The following IQGAP2 variants were observed in gnomAD, a reference collection of about 807,000 sequenced individuals.
IQGAP2 encodes IQ motif containing GTPase activating protein 2.
IQGAP2 carries 173 observed loss-of-function variants against 201.3 expected under a neutral mutation model. The ratio of observed to expected loss-of-function variants is 0.86; its 90% CI spans 0.76 to 0.98. IQGAP2 has a LOEUF of 0.98. Ranked by LOEUF, IQGAP2 falls within the 50% of genes least tolerant of loss-of-function variation. IQGAP2 has a pLI of 0.00. For synonymous variants in IQGAP2, 675 were observed against 673.9 expected, an observed-to-expected ratio of 1.00 and a Z score of -0.03; for missense variants, 1,687 against 1,864.8, an observed-to-expected ratio of 0.90 and a Z score of 1.76.
At chr5:76,458,793 C>T (rs1356760246) in intron 1 of IQGAP2, among the ~76,000 whole-genome samples, 4 of 152,198 alleles carry the variant, frequency 2.6e-5, no homozygotes, top group South Asian at 2.1e-4. Flanking sequence ...TGATCATACT[C>T]TTATTGAGTG....
At chr5:76,570,498 T>G in intron 3 of IQGAP2, 82 bp from the exon 4 acceptor site, 2 of 891,510 alleles carry the variant, frequency 2.2e-6, no homozygotes, top group South Asian at 2.8e-5. Context: ...AAAAGCATCC[T>G]GTACATGAAA....
chr5:76,558,993 T>C (rs961601793), intron 2 of IQGAP2, among the ~76,000 whole-genome samples: 4 of 152,246 alleles, frequency 2.6e-5, no homozygotes, highest in Non-Finnish European at 2.9e-5. Context: ...CTCCACCTCC[T>C]GGGTTCACAC....
At chr5:76,441,893 A>G (rs1753063957) in intron 1 of IQGAP2, among the ~76,000 whole-genome samples, 1 of 152,192 alleles carries the variant, frequency 6.6e-6, no homozygotes. Flanking sequence ...CAGGCCTTTG[A>G]GGACTAGGAA....
intron 2 of IQGAP2, among the ~76,000 whole-genome samples, chr5:76,485,512 G>A (rs986289923): frequency 9.2e-5 from 14 of 152,036 alleles, no homozygotes; most frequent in African/African-American, 2.4e-4. Flanking sequence ...AGTTTTCCTT[G>A]GTTACATTGA....
intron 1 of IQGAP2, among the ~76,000 whole-genome samples, chr5:76,457,307 T>A (rs1489454001): frequency 6.6e-6 from 1 of 152,200 alleles, no homozygotes; most frequent in East Asian, 1.9e-4. Flanking sequence ...TTCCTGGTTT[T>A]CTGCTTTTCC....
intron 9 of IQGAP2, chr5:76,597,210 C>G (rs1747093492): frequency 3.7e-6 from 2 of 541,350 alleles, no homozygotes; most frequent in African/African-American, 1.9e-5. Flanking sequence ...GATCTCATAC[C>G]CTAAGCTCCA....
chr5:76,537,594 T>C (rs1010179761), intron 2 of IQGAP2, among the ~76,000 whole-genome samples: 2 of 152,154 alleles, frequency 1.3e-5, no homozygotes, highest in Non-Finnish European at 2.9e-5. Context: ...GGTGGAAATA[T>C]TGACTTAGTT....
At chr5:76,496,761 CTTT>C (rs1756982845) in intron 2 of IQGAP2, among the ~76,000 whole-genome samples, 7 of 89,048 alleles carry the variant, frequency 7.9e-5, no homozygotes, top group African/African-American at 4.1e-4. Flanking sequence ...TTCTTTCTTT[CTTT>C]CTTTCTTTCT....
chr5:76,543,451 C>T (rs895795211), intron 2 of IQGAP2, among the ~76,000 whole-genome samples: 1 of 152,218 alleles, frequency 6.6e-6, no homozygotes, highest in Admixed American at 6.5e-5. Context: ...GTGGACCGGC[C>T]TCCTTGCCTT....
intron 2 of IQGAP2, among the ~76,000 whole-genome samples, chr5:76,519,267 G>T (rs556203504): frequency 6.6e-6 from 1 of 152,216 alleles, no homozygotes; most frequent in South Asian, 2.1e-4. Context: ...ACTGATCTAT[G>T]GTTTTACTTT....
chr5:76,613,357 A>G (rs7716863), intron 13 of IQGAP2, among the ~76,000 whole-genome samples: 103,804 of 152,152 alleles, frequency 0.68, 37,512 homozygotes, highest in South Asian at 0.84. Context: ...TGCTTTGAAG[A>G]TAGACATCAT....
rs566261321 is a variant in IQGAP2 at position 76,518,081 on chromosome 5, CAAG to C, written c.147-44314_147-44312del. Among the ~76,000 whole-genome samples, 54 of 152,242 alleles carry C rather than the reference CAAG, an allele frequency of 3.5e-4. 1 individual carries two copies. The highest frequency in any genetic ancestry group is 6.3e-4 in the Non-Finnish European group (43 of 68,020). On this transcript the variant is annotated intron_variant, in intron 2 of 35. Transcript: ENST00000274364. The stretch of plus-strand genomic sequence containing the variant: ...AAGAGATTCTTCTGTCTCAGCCTCC[CAAG>C]TAGTTGGGACCACCAGGCACGCACC...
At chr5:76,635,255 C>G (rs1751031433) in intron 15 of IQGAP2, among the ~76,000 whole-genome samples, 1 of 152,132 alleles carries the variant, frequency 6.6e-6, no homozygotes, top group South Asian at 2.1e-4. Flanking sequence ...TGGATGAGAG[C>G]TAAAAACAAC....
rs1000173301 is a variant in IQGAP2, at chr5:76,596,309, A to C, written c.908-1130A>C. Among the ~76,000 whole-genome samples, 3 of 152,208 alleles carry C rather than the reference A, an allele frequency of 2.0e-5. No individual in the cohort carries two copies. In the East Asian group the frequency reaches 5.8e-4, roughly 29 times the overall value. On this transcript the variant is annotated intron_variant, in intron 9 of 35. Coordinates refer to ENST00000274364, the MANE Select transcript of IQGAP2 (RefSeq NM_006633.5). The stretch of plus-strand genomic sequence containing the variant: ...CTTCTGCTACCCAGATGCCTTCTCT[A>C]TAAGGCAAAACTCTGCAATCTCTGT...
chr5:76,631,920 G>T lies in IQGAP2; in HGVS notation c.1674G>T (p.Leu558Phe), dbSNP rs1478007638. The T allele has an allele frequency of 3.7e-6, 6 of 1,610,944 alleles. No homozygotes were observed. Among genetic ancestry groups the T allele is most frequent in the East Asian group, 2.2e-5 (1 of 44,726 alleles). Residue 558 changes from leucine (L) to phenylalanine (F), a missense_variant, in exon 15 of 36, where the codon TTG becomes TTT. By Grantham distance (22) the Leu-to-Phe change is conservative. Transcript: ENST00000274364. ...AAGGAAAAAAATCAAGTGATATTTT[G>T]TCTGTATTGAAGTCTTCCACTTCTA... is the stretch of plus-strand genomic sequence containing the variant. ...CLEGKKSSDI[L>F]SVLKSSTSNA...
At chr5:76,614,615 T>C (rs1243787868) in intron 13 of IQGAP2, among the ~76,000 whole-genome samples, 3 of 132,626 alleles carry the variant, frequency 2.3e-5, no homozygotes, top group Non-Finnish European at 4.9e-5. Context: ...CTTTTTTTTT[T>C]TTTTTTTTTT....
intron 14 of IQGAP2, among the ~76,000 whole-genome samples, chr5:76,631,110 T>C (rs1750670091): frequency 6.6e-6 from 1 of 152,196 alleles, no homozygotes; most frequent in Admixed American, 6.5e-5. Flanking sequence ...CTTGGCCTCT[T>C]TCATTTTTCT....
In IQGAP2 at chr5:76,496,734, TTTCTTTC is replaced by T. The variant is rs1561416198; in HGVS notation, c.146+35068_146+35074del. Among the ~76,000 whole-genome samples, 216 of 38,430 alleles carry T rather than the reference TTTCTTTC, an allele frequency of 5.6e-3. 1 individual carries two copies. Among genetic ancestry groups the T allele is most frequent in the African/African-American group, 0.014 (130 of 9,488 alleles). The allele number at this position is 38,430 out of a possible 152,430, so 25.2% of individuals were successfully genotyped here. ...TTTCTTTCTTTCTTTCTTTTCTTTC[TTTCTTTC>T]TTTCTTTCTTTCTTTCTTTCTTTCT... is the stretch of plus-strand genomic sequence containing the variant. On this transcript the variant is annotated intron_variant, in intron 2 of 35. Transcript: ENST00000274364.
At chr5:76,601,863 C>A (rs1470814865) in intron 11 of IQGAP2, among the ~76,000 whole-genome samples, 1 of 152,090 alleles carries the variant, frequency 6.6e-6, no homozygotes, top group African/African-American at 2.4e-5. Flanking sequence ...GGTGGGTTTT[C>A]CTTGTTTTTA....
Sources: allele counts gnomAD v4.1 joint callset (sites outside exome capture counted in the v4.1 genomes callset), GRCh38; gene constraint gnomAD v4.1.1; transcripts MANE v1.5; gene names NCBI Gene and HGNC (gene_info 2026-07-23, HGNC 2026-07-21).